The following TRAPPC9 variants were observed in gnomAD, a reference collection of about 807,000 sequenced individuals.
TRAPPC9 encodes trafficking protein particle complex subunit 9.
TRAPPC9 carries 83 observed loss-of-function variants against 124.0 expected under a neutral mutation model. The ratio of observed to expected loss-of-function variants is 0.67; its 90% CI spans 0.56 to 0.80. The LOEUF (loss-of-function observed/expected upper bound fraction) is 0.80, where lower values mean the gene tolerates loss of function less well. Ranked by LOEUF, TRAPPC9 falls within the 30% of genes least tolerant of loss-of-function variation. The probability of loss-of-function intolerance (pLI) is 0.00; values close to 1 mark genes in which losing one functional copy is unlikely to be tolerated. For synonymous variants in TRAPPC9, 638 were observed against 617.5 expected, an observed-to-expected ratio of 1.03 and a Z score of -0.49; for missense variants, 1,302 against 1,508.3, an observed-to-expected ratio of 0.86 and a Z score of 2.27.
Position 139,742,133 on chromosome 8 carries a change from C to T in TRAPPC9, c.3056-9931G>A, listed in dbSNP as rs1420935669. Among the ~76,000 whole-genome samples, 2 of 152,194 alleles carry T rather than the reference C, an allele frequency of 1.3e-5. No individual in the cohort carries two copies. The highest frequency in any genetic ancestry group is 1.9e-4 in the East Asian group (1 of 5,194). On this transcript the variant is annotated intron_variant, in intron 21 of 22. Transcript: ENST00000438773. This position sits in a 1 kb window ranked among gnomAD's most constrained non-coding sequence, Gnocchi z 4.7. Reference sequence around the variant, plus strand: ...GCGGCTGCACCCCCATTCCCAGCGGCGGTGCGGGAGAGGCCTGACTGCTCC... The same window carrying T: ...GCGGCTGCACCCCCATTCCCAGCGGTGGTGCGGGAGAGGCCTGACTGCTCC...
chr8:139,782,388 A>T (rs1328110945), intron 21 of TRAPPC9, among the ~76,000 whole-genome samples: 2 of 152,174 alleles, frequency 1.3e-5, no homozygotes, highest in Non-Finnish European at 2.9e-5. Flanking sequence ...AAAAGGGGGG[A>T]AAAAGGTATA....
intron 19 of TRAPPC9, among the ~76,000 whole-genome samples, chr8:139,979,010 C>G (rs1836691023): frequency 1.3e-5 from 2 of 148,564 alleles, no homozygotes; most frequent in Admixed American, 1.3e-4. Flanking sequence ...GCCGGGCTCC[C>G]ATCCCCAGGA....
At chr8:139,876,415 G>A (rs1258871160) in intron 21 of TRAPPC9, among the ~76,000 whole-genome samples, 1 of 152,196 alleles carries the variant, frequency 6.6e-6, no homozygotes, top group Non-Finnish European at 1.5e-5. Context: ...CATGCGTACC[G>A]GGACTCCTTC....
At chr8:139,945,785 CT>C (rs1834177665) in intron 19 of TRAPPC9, among the ~76,000 whole-genome samples, 1 of 152,080 alleles carries the variant, frequency 6.6e-6, no homozygotes, top group African/African-American at 2.4e-5. Context: ...ACATTCGACT[CT>C]AGTGAAGGAT....
intron 4 of TRAPPC9, among the ~76,000 whole-genome samples, chr8:140,431,584 AAATAATAGCT>A (rs1386805666): frequency 2.0e-5 from 3 of 152,220 alleles, no homozygotes; most frequent in African/African-American, 7.2e-5. Context: ...ACTTCATATA[AAATAATAGCT>A]AATGGTCGTG....
intron 21 of TRAPPC9, among the ~76,000 whole-genome samples, chr8:139,877,777 C>A (rs1203788495): frequency 6.6e-6 from 1 of 152,184 alleles, no homozygotes; most frequent in Non-Finnish European, 1.5e-5. Flanking sequence ...CTCTGCTGGG[C>A]TCCTGGGGGT....
chr8:140,299,322 C>T (rs972009112), intron 11 of TRAPPC9, among the ~76,000 whole-genome samples: 2 of 152,108 alleles, frequency 1.3e-5, no homozygotes. Context: ...TCAGGGAGCG[C>T]CTGCAGTCCG....
At chr8:139,933,023 C>T (rs887949926) in intron 19 of TRAPPC9, 4 of 157,068 alleles carry the variant, frequency 2.5e-5, no homozygotes, top group African/African-American at 9.6e-5. Context: ...CTTCCAGAAG[C>T]ATCTCCTCAT....
chr8:139,823,891 CCT>C (rs1825440891), intron 21 of TRAPPC9, among the ~76,000 whole-genome samples: 1 of 152,180 alleles, frequency 6.6e-6, no homozygotes, highest in Non-Finnish European at 1.5e-5. Context: ...CCCTCCAGGC[CCT>C]CTCACCCACC....
intron 5 of TRAPPC9, among the ~76,000 whole-genome samples, chr8:140,415,656 T>C (rs1186119569): frequency 6.6e-6 from 1 of 151,870 alleles, no homozygotes; most frequent in East Asian, 1.9e-4. Flanking sequence ...GGGCAATTTG[T>C]AGCTATAAAT....
At chr8:139,808,313 T>C (rs59589647) in intron 21 of TRAPPC9, among the ~76,000 whole-genome samples, 3,513 of 152,102 alleles carry the variant, frequency 0.023, 128 homozygotes, top group African/African-American at 0.08. Flanking sequence ...TACAAAAAAT[T>C]AGCCGGGCGT....
intron 11 of TRAPPC9, among the ~76,000 whole-genome samples, chr8:140,292,261 A>G (rs1408357939): frequency 6.6e-6 from 1 of 152,164 alleles, no homozygotes; most frequent in Non-Finnish European, 1.5e-5. Context: ...TACTCTGCAT[A>G]AGGACCTCCT....
rs184509736 is a variant in TRAPPC9 at position 140,379,297 on chromosome 8, G to A, written c.1135-8117C>T. Reference sequence around the variant, plus strand: ...CATGCTGTGCTGCCTGGGGCCGGAGGAGGCTGGTGCAAGGCTGTCCTTCCC... The same window carrying A: ...CATGCTGTGCTGCCTGGGGCCGGAGAAGGCTGGTGCAAGGCTGTCCTTCCC... On this transcript the variant is annotated intron_variant, in intron 7 of 22. Transcript: ENST00000438773. Among the ~76,000 whole-genome samples, 12 of 152,282 alleles carry A rather than the reference G, an allele frequency of 7.9e-5. No individual in the cohort carries two copies. In the East Asian group the frequency reaches 1.7e-3, roughly 22 times the overall value.
intron 21 of TRAPPC9, among the ~76,000 whole-genome samples, chr8:139,865,731 G>C (rs982109292): frequency 3.9e-5 from 6 of 152,196 alleles, no homozygotes; most frequent in African/African-American, 1.4e-4. Context: ...GGTCCAGGGA[G>C]GGGGAGGAAG....
At chr8:140,028,977 T>C (rs1204737068) in intron 17 of TRAPPC9, among the ~76,000 whole-genome samples, 1 of 152,192 alleles carries the variant, frequency 6.6e-6, no homozygotes, top group Non-Finnish European at 1.5e-5. Context: ...GACAATCCTC[T>C]AAGTTGATCA....
chr8:139,901,231 C>T (rs183130514), intron 20 of TRAPPC9, among the ~76,000 whole-genome samples: 85 of 152,236 alleles, frequency 5.6e-4, no homozygotes, highest in African/African-American at 1.7e-3. Flanking sequence ...GCATCCCACG[C>T]GCAAGCTCTG....
intron 21 of TRAPPC9, among the ~76,000 whole-genome samples, chr8:139,745,295 G>A (rs1818815775): frequency 6.6e-6 from 1 of 152,242 alleles, no homozygotes; most frequent in Non-Finnish European, 1.5e-5. Context: ...CCCTTCGGAA[G>A]CCAGAGCTTC....
intron 21 of TRAPPC9, among the ~76,000 whole-genome samples, chr8:139,817,365 T>C (rs1824913712): frequency 6.6e-6 from 1 of 152,232 alleles, no homozygotes; most frequent in Non-Finnish European, 1.5e-5. Context: ...ATGCTACTTA[T>C]GGCAGTTACA....
intron 16 of TRAPPC9, among the ~76,000 whole-genome samples, chr8:140,233,650 C>CACACACACACACAT (rs1563868271): frequency 1.4e-5 from 2 of 144,816 alleles, no homozygotes; most frequent in African/African-American, 2.6e-5. Flanking sequence ...CACACACACA[C>CACACACACACACAT]ATAAACACAC....
Sources: gnomAD v4.1 joint callset for allele counts (sites outside exome capture counted in the v4.1 genomes callset) on GRCh38, gnomAD v4.1.1 for gene constraint, Gnocchi (gnomAD v3.1) non-coding constraint, MANE v1.5 for transcripts, NCBI Gene and HGNC (gene_info 2026-07-23, HGNC 2026-07-21) for gene names.